IL11RA: variants seen among roughly 807,000 people sequenced by gnomAD.
IL11RA encodes the protein interleukin 11 receptor subunit alpha.
A neutral mutation model predicts 57.0 loss-of-function variants in IL11RA; 51 were observed. That is an observed-to-expected ratio of 0.89 (90% CI 0.71 to 1.13). The LOEUF is 1.13. IL11RA is among the 50% of genes most tolerant of loss of function. The pLI, the probability that IL11RA is intolerant of heterozygous loss-of-function variation, is 0.00. For missense variants in IL11RA, 498 were observed against 539.4 expected (o/e 0.92, Z 0.76); for synonymous variants, 199 against 217.5 (o/e 0.91, Z 0.75).
rs1821399088 is a variant in IL11RA, at chr9:34,658,828, G to A, written c.810+145G>A. 2.3e-6 allele frequency: 2 copies of A among 855,522 alleles called. No individual in the cohort carries two copies. The highest frequency in any genetic ancestry group is 4.0e-5 in the Admixed American group (2 of 50,044). 53.0% of individuals were successfully genotyped at this position (855,522 alleles called of 1,614,324 possible). The stretch of plus-strand genomic sequence containing the variant: ...TGGGCCAGGCTTTGTACTGGGTGCT[G>A]GGTTGCAGTGGTGACTGAGAGACTG... On this transcript the variant is annotated intron_variant, in intron 8 of 12. Coordinates refer to ENST00000441545, the MANE Select transcript of IL11RA (RefSeq NM_001142784.3). The surrounding 1 kb of genome is among the most constrained non-coding windows in gnomAD (Gnocchi z 4.0).
At chr9:34,654,723 G>T (rs773374107) in intron 1 of IL11RA, among the ~76,000 whole-genome samples, 17 of 152,182 alleles carry the variant, frequency 1.1e-4, no homozygotes, top group Admixed American at 2.0e-4. Context: ...TCAGATCCAT[G>T]ATGACACCCT....
intron 8 of IL11RA, among the ~76,000 whole-genome samples, chr9:34,659,472 C>T (rs1358342877): frequency 6.6e-6 from 1 of 152,160 alleles, no homozygotes; most frequent in Non-Finnish European, 1.5e-5. Context: ...CTCTATTTTA[C>T]AAATGAAGAA....
At position 34,656,744 on chromosome 9, in the gene IL11RA, C is replaced by T. The variant is rs139359240; in HGVS notation, c.167C>T (p.Pro56Leu). The T allele has an allele frequency of 2.1e-4, 345 of 1,614,062 alleles. No individual in the cohort carries two copies. The highest frequency in any genetic ancestry group is 2.8e-4 in the Non-Finnish European group (327 of 1,180,034). The change falls in exon 4 of 13, where the codon CCA (proline) becomes CTA (leucine). Residue 56 changes from proline (P) to leucine (L), a missense_variant. Transcript: ENST00000441545. ...TCACCTCATCTCACTTCCAGGGACCCAGTGTCCTGGTTTCGGGATGGGGAG... is the reference window on the plus strand; with the variant it reads ...TCACCTCATCTCACTTCCAGGGACCTAGTGTCCTGGTTTCGGGATGGGGAG... ...LCCPGVTAGD[P>L]VSWFRDGEPK...
At chr9:34,654,992 T>G in intron 1 of IL11RA, 1 of 496,950 alleles carries the variant, frequency 2.0e-6, no homozygotes, top group Admixed American at 3.2e-5. Context: ...GGTGTGTGTG[T>G]CCGTGTGTGT....
intron 3 of IL11RA, chr9:34,655,896 C>T (rs1587245674): frequency 1.0e-5 from 6 of 592,750 alleles, no homozygotes; most frequent in African/African-American, 7.3e-5. Flanking sequence ...GTGCTAATGC[C>T]AGGCAAGGTG....
intron 1 of IL11RA, among the ~76,000 whole-genome samples, chr9:34,654,215 G>T (rs1821300042): frequency 6.6e-6 from 1 of 151,782 alleles, no homozygotes; most frequent in African/African-American, 2.4e-5. Context: ...TCCTCCTTCT[G>T]CTCCCCCTTG....
intron 9 of IL11RA, 133 bp downstream of exon 9, chr9:34,660,033 G>T: frequency 7.7e-7 from 1 of 1,304,796 alleles, no homozygotes. Flanking sequence ...CCAGACTTCA[G>T]ACTTGTTTGC....
In IL11RA at chr9:34,656,808, T is replaced by G; in HGVS notation, c.231T>G (p.His77Gln). ...LLQGPDSGLG[H>Q]ELVLAQADST... Reference sequence around the variant, plus strand: ...AGGGACCTGACTCTGGGCTAGGGCATGAACTGGTCCTGGCCCAGGCAGACA... The same window carrying G: ...AGGGACCTGACTCTGGGCTAGGGCAGGAACTGGTCCTGGCCCAGGCAGACA... The change falls in exon 4 of 13, where the codon CAT becomes CAG. Residue 77 changes from histidine to glutamine, a missense_variant. Coordinates refer to ENST00000441545, the MANE Select transcript of IL11RA (RefSeq NM_001142784.3). 6.2e-7 allele frequency: 1 copy of G among 1,614,138 alleles called. No homozygotes were observed. Among genetic ancestry groups the G allele is most frequent in the Non-Finnish European group, 8.5e-7 (1 of 1,180,014 alleles).
chr9:34,657,092 GCA>G lies in IL11RA; in HGVS notation c.391_392del (p.Thr131LeufsTer26). On this transcript the variant is annotated frameshift_variant, in exon 5 of 13. Transcript: ENST00000441545. LOFTEE classifies it high-confidence loss of function. The stretch of plus-strand genomic sequence containing the variant: ...GCAGCCGACTATGAGAACTTCTCTT[GCA>G]CTTGGAGTCCCAGCCAGATCAGCGG... 1.9e-6 allele frequency: 3 copies of G among 1,614,164 alleles called. No individual in the cohort carries two copies. Among genetic ancestry groups the G allele is most frequent in the Non-Finnish European group, 2.5e-6 (3 of 1,180,040 alleles).
At position 34,658,836 on chromosome 9, in the gene IL11RA, G is replaced by T. The variant is rs547919039; in HGVS notation, c.810+153G>T. On this transcript the variant is annotated intron_variant, in intron 8 of 12. Coordinates refer to ENST00000441545, the MANE Select transcript of IL11RA (RefSeq NM_001142784.3). The surrounding 1 kb of genome is among the most constrained non-coding windows in gnomAD (Gnocchi z 4.0). ...GCTTTGTACTGGGTGCTGGGTTGCA[G>T]TGGTGACTGAGAGACTGAATGTCTG... 1.3e-5 allele frequency among the ~76,000 whole-genome samples: 2 copies of T among 152,332 alleles called. No individual in the cohort carries two copies. The highest frequency in any genetic ancestry group is 2.9e-5 in the Non-Finnish European group (2 of 68,030).
chr9:34,661,487 C>G lies in IL11RA; in HGVS notation c.1258C>G (p.Pro420Ala), dbSNP rs774002863. Residue 420 changes from proline to alanine, a missense_variant, in exon 13 of 13, where the codon CCA becomes GCA. Transcript: ENST00000441545. Reference protein sequence around the residue: ...VIPVDRRPGAPNL With the variant: ...VIPVDRRPGAANL Reference sequence around the variant, plus strand: ...TTGCCTCCTGCTTCTTCTAGGAGCTCCAAACCTGTAGAGGACCCAGGAGGG... The same window carrying G: ...TTGCCTCCTGCTTCTTCTAGGAGCTGCAAACCTGTAGAGGACCCAGGAGGG... 33 of 1,613,710 alleles carry G rather than the reference C, an allele frequency of 2.0e-5. No homozygotes were observed. The South Asian group carries it at 3.6e-4, about 18-fold the overall frequency.
chr9:34,659,666 TG>T, intron 8 of IL11RA, 92 bp from the exon 9 acceptor site: 3 of 1,499,686 alleles, frequency 2.0e-6, no homozygotes, highest in Non-Finnish European at 2.8e-6. Flanking sequence ...GGCTTTAGGA[TG>T]AGACTGGGAG....
rs371757880 is a variant in IL11RA at position 34,658,699 on chromosome 9, C to A, written c.810+16C>A. 8.7e-6 allele frequency: 14 copies of A among 1,609,404 alleles called. No individual in the cohort carries two copies. The African/African-American group carries it at 1.9e-4, about 21-fold the overall frequency. ...CTGGTCCACGGTGAGGCCTGGAGTG[C>A]GTCCCAACCCACGGCTGTGGGTCCT... On this transcript the variant is annotated intron_variant, in intron 8 of 12. Coordinates refer to ENST00000441545, the MANE Select transcript of IL11RA (RefSeq NM_001142784.3). The surrounding 1 kb of genome is among the most constrained non-coding windows in gnomAD (Gnocchi z 4.0).
Position 34,653,431 on chromosome 9 carries a change from A to AG in IL11RA, c.-1+1203dup, listed in dbSNP as rs776494062. Among the ~76,000 whole-genome samples, 4 of 151,938 alleles carry AG rather than the reference A, an allele frequency of 2.6e-5. No individual in the cohort carries two copies. The highest frequency in any genetic ancestry group is 5.9e-5 in the Non-Finnish European group (4 of 67,986). On this transcript the variant is annotated intron_variant, in intron 1 of 12. Coordinates refer to ENST00000441545, the MANE Select transcript of IL11RA (RefSeq NM_001142784.3). The surrounding 1 kb of genome is among the most constrained non-coding windows in gnomAD (Gnocchi z 4.5). ...GAGAAATGGCTGGAACTTCCAGGGG[A>AG]GGGGGAACTGGACTCTTTGGCCTCT...
Position 34,661,663 on chromosome 9 carries a change from C to G in IL11RA, c.*165C>G, listed in dbSNP as rs573209277. The G allele has an allele frequency of 1.2e-6, 1 of 808,764 alleles. No individual in the cohort carries two copies. Among genetic ancestry groups the G allele is most frequent in the Admixed American group, 2.0e-5 (1 of 50,162 alleles). 50.1% of individuals were successfully genotyped at this position (808,764 alleles called of 1,614,324 possible). ...ATTTCAAATTTGCAGCTGAAAGGTG[C>G]TTGTACCTCTGATTTCACCCCAGAG... On this transcript the variant is annotated 3_prime_UTR_variant, in exon 13 of 13. Coordinates refer to ENST00000441545, the MANE Select transcript of IL11RA (RefSeq NM_001142784.3).
At position 34,661,580 on chromosome 9, in the gene IL11RA, C is replaced by CAACCATAGGGATCTA; in HGVS notation, c.*82_*83insAACCATAGGGATCTA. On this transcript the variant is annotated 3_prime_UTR_variant, in exon 13 of 13. Coordinates refer to ENST00000441545, the MANE Select transcript of IL11RA (RefSeq NM_001142784.3). ...TAGAAACCAGGCAGGACAGTAGATC[C>CAACCATAGGGATCTA]CTATGGTTGGATCTCAGCTGGAAGT... 1 of 1,393,970 alleles carries CAACCATAGGGATCTA rather than the reference C, an allele frequency of 7.2e-7. No individual in the cohort carries two copies. Among genetic ancestry groups the CAACCATAGGGATCTA allele is most frequent in the Non-Finnish European group, 1.0e-6 (1 of 979,144 alleles). 86.4% of individuals were successfully genotyped at this position (1,393,970 alleles called of 1,614,324 possible). A position where few individuals can be genotyped will look rare whatever the true frequency, so the allele number is the denominator to read the frequency against.
At chr9:34,657,715 G>T in intron 7 of IL11RA, 128 bp downstream of exon 7, 1 of 937,610 alleles carries the variant, frequency 1.1e-6, no homozygotes, top group Admixed American at 2.0e-5. Context: ...AGAAGGCCCT[G>T]TGGAGCCTGA....
intron 7 of IL11RA, among the ~76,000 whole-genome samples, chr9:34,657,900 G>A (rs745947248): frequency 2.6e-5 from 4 of 152,218 alleles, no homozygotes; most frequent in African/African-American, 4.8e-5. Context: ...ACCTGTGCAT[G>A]GGAGTGGGAC....
chr9:34,652,678 CTA>C (rs1821275379), intron 1 of IL11RA, among the ~76,000 whole-genome samples: 2 of 152,086 alleles, frequency 1.3e-5, no homozygotes, highest in Admixed American at 6.5e-5. Flanking sequence ...AGGTTTGTGA[CTA>C]TGTGTGTGTC....
Sources: allele counts gnomAD v4.1 joint callset (sites outside exome capture counted in the v4.1 genomes callset), GRCh38; gene constraint gnomAD v4.1.1; non-coding constraint Gnocchi (gnomAD v3.1); transcripts MANE v1.5; gene names NCBI Gene and HGNC (gene_info 2026-07-23, HGNC 2026-07-21).